Variants in PTPN14 observed in about 807,000 individuals in gnomAD.
PTPN14 encodes the protein tyrosine-protein phosphatase non-receptor type 14.
A neutral mutation model predicts 126.8 loss-of-function variants in PTPN14; 53 were observed. The ratio of observed to expected loss-of-function variants is 0.42; its 90% CI spans 0.34 to 0.53. The LOEUF (loss-of-function observed/expected upper bound fraction) is 0.53. PTPN14 is among the 20% of genes least tolerant of loss of function. The pLI is 0.08. For missense variants in PTPN14, 1,257 were observed against 1,552.9 expected (o/e 0.81, Z 3.20); for synonymous variants, 630 against 599.3 (o/e 1.05, Z -0.75).
rs991817709 is a variant in PTPN14 at position 214,364,389 on chromosome 1, A to C, written c.3435+123T>G. 1 of 1,304,596 alleles carries C rather than the reference A, an allele frequency of 7.7e-7. No homozygotes were observed. The highest frequency in any genetic ancestry group is 1.5e-5 in the African/African-American group (1 of 67,478). The allele number at this position is 1,304,596 out of a possible 1,614,324, so 80.8% of individuals were successfully genotyped here. A position where few individuals can be genotyped will look rare whatever the true frequency, so the allele number is the denominator to read the frequency against. ...GTCAAACTAGGAACCAGGAGCCTGG[A>C]AAACTCTGGTTGGGAGACAGGAAAT... On this transcript the variant is annotated intron_variant, in intron 18 of 18. Coordinates refer to ENST00000366956, the MANE Select transcript of PTPN14 (RefSeq NM_005401.5). The surrounding 1 kb of genome is among the most constrained non-coding windows in gnomAD (Gnocchi z 4.1).
At chr1:214,459,954 C>T (rs910741782) in intron 2 of PTPN14, among the ~76,000 whole-genome samples, 1 of 152,166 alleles carries the variant, frequency 6.6e-6, no homozygotes, top group Non-Finnish European at 1.5e-5. Flanking sequence ...ACTGGAACAC[C>T]GTTTTCTTTC....
intron 3 of PTPN14, among the ~76,000 whole-genome samples, chr1:214,415,922 G>A (rs1287702513): frequency 1.3e-5 from 2 of 152,188 alleles, no homozygotes; most frequent in East Asian, 1.9e-4. Context: ...AAAAAATCAC[G>A]AAGCAAAACA....
At chr1:214,368,143 A>G (rs1254334964) in intron 17 of PTPN14, among the ~76,000 whole-genome samples, 5 of 152,184 alleles carry the variant, frequency 3.3e-5, no homozygotes, top group Non-Finnish European at 7.3e-5. Context: ...AGGGAAATAT[A>G]GGTCTTGTGA....
chr1:214,465,971 T>TTTTTTG (rs1660628103), intron 1 of PTPN14, among the ~76,000 whole-genome samples: 2 of 138,130 alleles, frequency 1.4e-5, no homozygotes. Context: ...TTTTTTTTTT[T>TTTTTTG]GTGAAGACGG....
chr1:214,470,280 T>C (rs1011552425), intron 1 of PTPN14, among the ~76,000 whole-genome samples: 1 of 151,886 alleles, frequency 6.6e-6, no homozygotes, highest in Non-Finnish European at 1.5e-5. Flanking sequence ...ACAGCAAGAC[T>C]CTATTTCTAA....
intron 1 of PTPN14, among the ~76,000 whole-genome samples, chr1:214,504,997 T>C (rs887350041): frequency 2.6e-5 from 4 of 151,922 alleles, no homozygotes; most frequent in Non-Finnish European, 4.4e-5. Context: ...GGAGAAAAGA[T>C]AGGTTTAAGG....
intron 5 of PTPN14, among the ~76,000 whole-genome samples, chr1:214,405,506 A>G (rs1168382991): frequency 6.6e-6 from 1 of 152,074 alleles, no homozygotes; most frequent in Admixed American, 6.6e-5. Flanking sequence ...TCACTATGCG[A>G]CATGTAAATT....
intron 1 of PTPN14, among the ~76,000 whole-genome samples, chr1:214,492,695 G>T (rs1185598127): frequency 2.0e-5 from 3 of 152,050 alleles, no homozygotes; most frequent in Non-Finnish European, 2.9e-5. Context: ...ATCACTTGAG[G>T]CCAGGAGTTT....
At chr1:214,508,956 A>T (rs1654906797) in intron 1 of PTPN14, among the ~76,000 whole-genome samples, 1 of 152,246 alleles carries the variant, frequency 6.6e-6, no homozygotes, top group South Asian at 2.1e-4. Context: ...AGCTTAAAAT[A>T]TTCAGTAAAC....
chr1:214,476,417 A>G (rs555608359), intron 1 of PTPN14, among the ~76,000 whole-genome samples: 1 of 152,318 alleles, frequency 6.6e-6, no homozygotes, highest in East Asian at 1.9e-4. Flanking sequence ...TAGCCAAGAA[A>G]GAAGGGCTCT....
chr1:214,388,339 G>GA (rs1036683667), intron 11 of PTPN14, among the ~76,000 whole-genome samples: 1 of 151,976 alleles, frequency 6.6e-6, no homozygotes, highest in Non-Finnish European at 1.5e-5. Context: ...ATTTGCGGGG[G>GA]AAAAAACCCT....
chr1:214,478,609 GA>G (rs879605447), intron 1 of PTPN14, among the ~76,000 whole-genome samples: 10 of 152,148 alleles, frequency 6.6e-5, no homozygotes, highest in Non-Finnish European at 1.2e-4. Context: ...CTATATGTAA[GA>G]AAATTTGGAA....
chr1:214,541,716 T>C (rs533041363), intron 1 of PTPN14, among the ~76,000 whole-genome samples: 86 of 152,342 alleles, frequency 5.6e-4, no homozygotes, highest in Middle Eastern at 3.4e-3. Context: ...CCACTTTACA[T>C]TGTTGTTAAA....
intron 1 of PTPN14, among the ~76,000 whole-genome samples, chr1:214,477,244 TAA>T (rs1420258151): frequency 6.6e-6 from 1 of 152,200 alleles, no homozygotes; most frequent in Non-Finnish European, 1.5e-5. Context: ...TATCAGCTGT[TAA>T]AGAGTTGTAT....
At chr1:214,403,396 G>A (rs150521393) in intron 5 of PTPN14, among the ~76,000 whole-genome samples, 42 of 152,262 alleles carry the variant, frequency 2.8e-4, no homozygotes, top group Admixed American at 1.1e-3. Context: ...ACCAGGAAAC[G>A]AATTCAAAAC....
chr1:214,383,464 C>T lies in PTPN14; in HGVS notation c.2391G>A (p.Pro797=), dbSNP rs781668390. The change falls in exon 13 of 19, where the codon CCG becomes CCA. Residue 797 remains proline (P), a synonymous_variant. Transcript: ENST00000366956. The surrounding 1 kb of genome is among the most constrained non-coding windows in gnomAD (Gnocchi z 4.4). ...KAISMSRTDP[P]AVNGASLGPS... The stretch of plus-strand genomic sequence containing the variant: ...GGCCGAGAGAGGCCCCGTTGACAGC[C>T]GGCGGGTCAGTCCGAGACATGCTGA... The T allele has an allele frequency of 2.2e-5, 35 of 1,614,256 alleles. No homozygotes were observed. The highest frequency in any genetic ancestry group is 1.2e-4 in the African/African-American group (9 of 75,078).
chr1:214,436,557 G>A (rs986478578), intron 3 of PTPN14, among the ~76,000 whole-genome samples: 5 of 152,126 alleles, frequency 3.3e-5, no homozygotes, highest in Non-Finnish European at 5.9e-5. Context: ...AGCACTTTGG[G>A]AGGCTGAGGC....
chr1:214,368,458 C>T (rs1658137033), intron 17 of PTPN14, among the ~76,000 whole-genome samples: 1 of 152,118 alleles, frequency 6.6e-6, no homozygotes, highest in Non-Finnish European at 1.5e-5. Flanking sequence ...ACCTCGGCCT[C>T]CCAAAGTGCT....
rs778125245 is a variant in PTPN14 at position 214,451,833 on chromosome 1, C to T, written c.316G>A (p.Val106Met). ...GTGGCCTCTTGCTGAAGCCATGACA[C>T]ATTTGGCACATAGAACATGACTCCA... ...FFGVMFYVPNVSWLQQEATRY... is the reference protein window; with the variant it reads ...FFGVMFYVPNMSWLQQEATRY... Residue 106 changes from valine to methionine, a missense_variant, in exon 3 of 19, where the codon GTG becomes ATG. Physicochemically the swap from Val to Met is conservative, Grantham distance 21. Around this residue, in one of 3 missense-constraint regions of PTPN14, gnomAD observed 1,021 missense variants for 1,183.3 expected, o/e 0.86. Transcript: ENST00000366956. 1.5e-5 allele frequency: 24 copies of T among 1,614,070 alleles called. No individual in the cohort carries two copies. Among genetic ancestry groups the T allele is most frequent in the Non-Finnish European group, 8.5e-7 (1 of 1,180,032 alleles).
Sources: allele counts gnomAD v4.1 joint callset (sites outside exome capture counted in the v4.1 genomes callset), GRCh38; gene constraint gnomAD v4.1.1; regional missense constraint gnomAD v4.1.1; non-coding constraint Gnocchi (gnomAD v3.1); transcripts MANE v1.5; gene names NCBI Gene and HGNC (gene_info 2026-07-23, HGNC 2026-07-21).